Variants in FAM135A observed in about 807,000 individuals in gnomAD.
FAM135A encodes family with sequence similarity 135 member A.
A neutral mutation model predicts 146.8 loss-of-function variants in FAM135A; 79 were observed. That is an observed-to-expected ratio of 0.54 (90% CI 0.45 to 0.65). FAM135A has a LOEUF of 0.65. Among genes scored for constraint, FAM135A ranks in the 30% least tolerant of loss-of-function variants. The pLI is 0.00. For missense variants in FAM135A, 1,623 were observed against 1,758.2 expected (o/e 0.92, Z 1.38); for synonymous variants, 562 against 603.6 (o/e 0.93, Z 1.01).
chr6:70,546,062 G>T (rs117668110), intron 20 of FAM135A, among the ~76,000 whole-genome samples: 6 of 151,282 alleles, frequency 4.0e-5, no homozygotes, highest in Non-Finnish European at 8.8e-5. Context: ...TTTTTTTTTC[G>T]GGGGGGCATA....
At chr6:70,458,114 T>C (rs948578413) in intron 5 of FAM135A, among the ~76,000 whole-genome samples, 1 of 140,682 alleles carries the variant, frequency 7.1e-6, no homozygotes, top group African/African-American at 3.0e-5. Context: ...AAATCTCACA[T>C]ATGTGAAAAT....
chr6:70,462,686 G>A (rs58691499), intron 5 of FAM135A, among the ~76,000 whole-genome samples: 7,020 of 151,100 alleles, frequency 0.046, 359 homozygotes, highest in African/African-American at 0.11. Flanking sequence ...CCACTTCTCT[G>A]TCTTGGATAA....
rs1038052229 is a variant in FAM135A at position 70,431,268 on chromosome 6, G to A, written c.77+2849G>A. ...AATAAACATTTATTTTTGCTCCTAA[G>A]TCTGTGGATCATCTCAACGGTTCTA... On this transcript the variant is annotated intron_variant, in intron 4 of 21. Transcript: ENST00000418814. Among the ~76,000 whole-genome samples, 6 of 152,130 alleles carry A rather than the reference G, an allele frequency of 3.9e-5. No individual in the cohort carries two copies. In the East Asian group the frequency reaches 7.7e-4, roughly 20 times the overall value.
At chr6:70,558,349 C>T (rs1801297010) in intron 21 of FAM135A, among the ~76,000 whole-genome samples, 1 of 152,214 alleles carries the variant, frequency 6.6e-6, no homozygotes, top group Non-Finnish European at 1.5e-5. Flanking sequence ...CTAAAGCTCA[C>T]ACGTTCCATG....
chr6:70,557,032 T>TTG, intron 21 of FAM135A, 169 bp downstream of exon 21: 1 of 615,488 alleles, frequency 1.6e-6, no homozygotes, highest in East Asian at 2.7e-5. Flanking sequence ...ACCTGCCACG[T>TTG]GAACTGCCTT....
At position 70,426,503 on chromosome 6, in the gene FAM135A, A is replaced by G. The variant is rs1040063157; in HGVS notation, c.-69A>G. ...GAAGTACAAGATTGGTTATTTAATA[A>G]TGTTAAAAATGAGGCTTTGAAAAGC... is the stretch of plus-strand genomic sequence containing the variant. On this transcript the variant is annotated 5_prime_UTR_variant, in exon 3 of 22. The change abolishes an upstream ATG in the 5' untranslated region. Coordinates refer to ENST00000418814, the MANE Select transcript of FAM135A (RefSeq NM_001162529.3). 1 of 152,176 alleles carries G rather than the reference A, an allele frequency of 6.6e-6. No individual in the cohort carries two copies. The highest frequency in any genetic ancestry group is 2.4e-5 in the African/African-American group (1 of 41,440). 9.4% of individuals were successfully genotyped at this position (152,176 alleles called of 1,614,324 possible).
intron 10 of FAM135A, among the ~76,000 whole-genome samples, chr6:70,484,058 C>T (rs1358666077): frequency 1.3e-5 from 2 of 152,184 alleles, no homozygotes; most frequent in Non-Finnish European, 2.9e-5. Flanking sequence ...AGGAACAATA[C>T]TTCTTAACAG....
intron 4 of FAM135A, among the ~76,000 whole-genome samples, chr6:70,435,401 G>C (rs553436755): frequency 6.6e-6 from 1 of 151,958 alleles, no homozygotes; most frequent in East Asian, 1.9e-4. Flanking sequence ...GACCGCACCC[G>C]GCCTAGAAAT....
chr6:70,520,487 G>C lies in FAM135A; in HGVS notation c.1030-2026G>C, dbSNP rs200480230. 3.4e-4 allele frequency among the ~76,000 whole-genome samples: 51 copies of C among 152,194 alleles called. 1 individual carries two copies. The East Asian group carries it at 5.2e-3, about 16-fold the overall frequency. ...GCAATTTGAACAGCATTATTAGAAT[G>C]AACACAGATACAGGAGTATTTAACT... is the stretch of plus-strand genomic sequence containing the variant. On this transcript the variant is annotated intron_variant, in intron 12 of 21. Transcript: ENST00000418814.
At position 70,525,298 on chromosome 6, in the gene FAM135A, C is replaced by T. The variant is rs1794475145; in HGVS notation, c.2214C>T (p.Ala738=). Residue 738 remains alanine, a synonymous_variant, in exon 15 of 22, where the codon GCC becomes GCT. Coordinates refer to ENST00000418814, the MANE Select transcript of FAM135A (RefSeq NM_001162529.3). The part of the protein sequence containing the change: ...SLTKLRSNLP[A]PSTKEYHVVV... The stretch of plus-strand genomic sequence containing the variant: ...CTAAATTACGAAGTAATCTACCTGC[C>T]CCTTCTACAAAAGAATATCATGTTG... 1 of 1,607,982 alleles carries T rather than the reference C, an allele frequency of 6.2e-7. No individual in the cohort carries two copies.
intron 11 of FAM135A, among the ~76,000 whole-genome samples, chr6:70,494,091 G>A (rs928984547): frequency 6.7e-6 from 1 of 148,292 alleles, no homozygotes; most frequent in African/African-American, 2.5e-5. Context: ...TTAAACAAGT[G>A]TTTGATGAAG....
chr6:70,544,618 G>GT (rs1798516697), intron 20 of FAM135A, among the ~76,000 whole-genome samples: 1 of 151,828 alleles, frequency 6.6e-6, no homozygotes, highest in Admixed American at 6.6e-5. Context: ...ATGTGTACCT[G>GT]TAATCCCAGC....
intron 9 of FAM135A, among the ~76,000 whole-genome samples, chr6:70,481,287 G>A (rs751297908): frequency 8.5e-5 from 13 of 152,074 alleles, no homozygotes; most frequent in Non-Finnish European, 1.8e-4. Flanking sequence ...TCACCCCTTG[G>A]TCCAACAACT....
chr6:70,543,934 G>T (rs1798380517), intron 20 of FAM135A, among the ~76,000 whole-genome samples: 1 of 152,086 alleles, frequency 6.6e-6, no homozygotes, highest in South Asian at 2.1e-4. Context: ...ACCAAACTCT[G>T]ACATCACACA....
chr6:70,557,906 G>T (rs1292573061), intron 21 of FAM135A, among the ~76,000 whole-genome samples: 1 of 151,972 alleles, frequency 6.6e-6, no homozygotes, highest in South Asian at 2.1e-4. Flanking sequence ...CTCCTTTATT[G>T]TACATTTGTG....
At chr6:70,554,876 G>A (rs558300026) in intron 20 of FAM135A, among the ~76,000 whole-genome samples, 2 of 151,946 alleles carry the variant, frequency 1.3e-5, no homozygotes, top group African/African-American at 4.8e-5. Context: ...ATCCACCCTC[G>A]GCCTCCCAAA....
chr6:70,474,573 A>G (rs1369705777), intron 5 of FAM135A, among the ~76,000 whole-genome samples: 1 of 152,230 alleles, frequency 6.6e-6, no homozygotes, highest in Non-Finnish European at 1.5e-5. Context: ...ACTTATTATT[A>G]CAGCTTTATT....
intron 20 of FAM135A, among the ~76,000 whole-genome samples, chr6:70,550,306 C>T (rs1472041829): frequency 1.3e-5 from 2 of 152,168 alleles, no homozygotes; most frequent in African/African-American, 4.8e-5. Context: ...TTGCTCAGAT[C>T]CATCAAAGGA....
intron 20 of FAM135A, among the ~76,000 whole-genome samples, chr6:70,552,205 T>C (rs953162734): frequency 1.3e-5 from 2 of 152,192 alleles, no homozygotes; most frequent in Non-Finnish European, 2.9e-5. Context: ...ACTATGAATT[T>C]TCAGAAAGAA....
Sources: allele counts gnomAD v4.1 joint callset (sites outside exome capture counted in the v4.1 genomes callset), GRCh38; gene constraint gnomAD v4.1.1; transcripts MANE v1.5; gene names NCBI Gene and HGNC (gene_info 2026-07-23, HGNC 2026-07-21).